Variants in SH3GL2 observed in about 807,000 individuals in gnomAD.
SH3GL2 encodes endophilin-A1.
A neutral mutation model predicts 46.0 loss-of-function variants in SH3GL2; 24 were observed. The observed-to-expected ratio is 0.52, with a 90% CI of 0.38 to 0.73. The LOEUF is 0.73. Ranked by LOEUF, SH3GL2 falls within the 30% of genes least tolerant of loss-of-function variation. The pLI is 0.00. For synonymous variants in SH3GL2, 196 were observed against 147.1 expected (o/e 1.33, Z -2.40); for missense variants, 413 against 424.2 (o/e 0.97, Z 0.23).
At chr9:17,579,645 A>G (rs1251347178) in intron 1 of SH3GL2, among the ~76,000 whole-genome samples, 2 of 152,138 alleles carry the variant, frequency 1.3e-5, no homozygotes, top group Non-Finnish European at 2.9e-5. Flanking sequence ...GAGATTATGT[A>G]AAGTCGCCTC....
intron 1 of SH3GL2, among the ~76,000 whole-genome samples, chr9:17,715,604 T>C (rs1044235216): frequency 6.6e-6 from 1 of 152,010 alleles, no homozygotes; most frequent in African/African-American, 2.4e-5. Context: ...CCGTGGTTAA[T>C]ACCATCCAGC....
chr9:17,682,528 G>A (rs763858524), intron 1 of SH3GL2, among the ~76,000 whole-genome samples: 1 of 152,034 alleles, frequency 6.6e-6, no homozygotes, highest in African/African-American at 2.4e-5. Flanking sequence ...ACACAGGGAG[G>A]GGAACCAACA....
chr9:17,624,410 T>A (rs186911202), intron 1 of SH3GL2, among the ~76,000 whole-genome samples: 6 of 152,246 alleles, frequency 3.9e-5, no homozygotes, highest in Middle Eastern at 3.2e-3. Flanking sequence ...TGATTATTAC[T>A]GGGTCCAGTC....
At chr9:17,602,092 A>G (rs57297142) in intron 1 of SH3GL2, among the ~76,000 whole-genome samples, 28,263 of 152,150 alleles carry the variant, frequency 0.19, 7,989 homozygotes, top group African/African-American at 0.61. Flanking sequence ...AAACAGCTCT[A>G]TTTATTGGGT....
intron 2 of SH3GL2, among the ~76,000 whole-genome samples, chr9:17,753,169 A>C (rs1218405975): frequency 6.6e-6 from 1 of 152,154 alleles, no homozygotes; most frequent in Non-Finnish European, 1.5e-5. Flanking sequence ...CAGTGAACAC[A>C]TGTGTGCATG....
chr9:17,737,534 G>T (rs565637696), intron 1 of SH3GL2, among the ~76,000 whole-genome samples: 1 of 151,984 alleles, frequency 6.6e-6, no homozygotes, highest in Non-Finnish European at 1.5e-5. Flanking sequence ...AAGCTATCAG[G>T]CTCTGTAATA....
chr9:17,744,200 A>T (rs1249487594), intron 1 of SH3GL2, among the ~76,000 whole-genome samples: 3 of 152,192 alleles, frequency 2.0e-5, no homozygotes, highest in African/African-American at 7.2e-5. Flanking sequence ...GGGGACTGAC[A>T]TGTGAGCCAG....
chr9:17,782,948 C>G (rs1386527847), intron 3 of SH3GL2, among the ~76,000 whole-genome samples: 1 of 152,032 alleles, frequency 6.6e-6, no homozygotes, highest in African/African-American at 2.4e-5. Flanking sequence ...TGGACCAATT[C>G]TGATTTTTGT....
At chr9:17,618,309 G>T in intron 1 of SH3GL2, among the ~76,000 whole-genome samples, 1 of 152,150 alleles carries the variant, frequency 6.6e-6, no homozygotes, top group Admixed American at 6.5e-5. Context: ...AATGTCAGTA[G>T]TACCTCCATT....
intron 1 of SH3GL2, among the ~76,000 whole-genome samples, chr9:17,628,531 C>G (rs997770455): frequency 1.3e-5 from 2 of 151,878 alleles, no homozygotes; most frequent in African/African-American, 4.8e-5. Flanking sequence ...GCCTTGCTGA[C>G]TTCAGACATT....
At chr9:17,647,816 C>T (rs1272713179) in intron 1 of SH3GL2, among the ~76,000 whole-genome samples, 1 of 152,154 alleles carries the variant, frequency 6.6e-6, no homozygotes, top group Non-Finnish European at 1.5e-5. Flanking sequence ...AGCATTTTTA[C>T]AGTTGAACTT....
intron 3 of SH3GL2, 29 bp from the exon 4 acceptor site, chr9:17,786,352 C>G: frequency 6.3e-7 from 1 of 1,593,850 alleles, no homozygotes; most frequent in South Asian, 1.1e-5. Flanking sequence ...ATTGCCTACT[C>G]TGAAAGCTTG....
At chr9:17,649,373 G>T (rs150536923) in intron 1 of SH3GL2, among the ~76,000 whole-genome samples, 3 of 152,198 alleles carry the variant, frequency 2.0e-5, no homozygotes, top group South Asian at 4.1e-4. Flanking sequence ...GCCCTATCGC[G>T]TACATTTTTA....
At chr9:17,702,444 C>A (rs940282496) in intron 1 of SH3GL2, among the ~76,000 whole-genome samples, 1 of 148,916 alleles carries the variant, frequency 6.7e-6, no homozygotes, top group South Asian at 2.1e-4. Flanking sequence ...TGTTGCACAG[C>A]AAAAAAAAAC....
At chr9:17,659,895 A>G (rs961445356) in intron 1 of SH3GL2, among the ~76,000 whole-genome samples, 2 of 152,334 alleles carry the variant, frequency 1.3e-5, no homozygotes, top group East Asian at 1.9e-4. Context: ...TGGGTTCTTG[A>G]TATGACTTTT....
rs1208874566 is a variant in SH3GL2, at chr9:17,733,334, G to C, written c.46-13732G>C. Among the ~76,000 whole-genome samples, 3 of 151,672 alleles carry C rather than the reference G, an allele frequency of 2.0e-5. No homozygotes were observed. The East Asian group carries it at 5.8e-4, about 30-fold the overall frequency. ...GTACATGTGCACAATGTGCAGGTTA[G>C]TTACATATGTATACATGTGACATGC... On this transcript the variant is annotated intron_variant, in intron 1 of 8. Transcript: ENST00000380607.
chr9:17,667,952 A>G (rs1426225464), intron 1 of SH3GL2, among the ~76,000 whole-genome samples: 3 of 152,188 alleles, frequency 2.0e-5, no homozygotes, highest in Non-Finnish European at 2.9e-5. Context: ...TGTATGTTTT[A>G]TTTAGAGAAA....
intron 1 of SH3GL2, among the ~76,000 whole-genome samples, chr9:17,712,343 G>A (rs1225581740): frequency 6.6e-6 from 1 of 151,562 alleles, no homozygotes; most frequent in Non-Finnish European, 1.5e-5. Context: ...TTTTTCACTT[G>A]TGATTTATAA....
intron 1 of SH3GL2, among the ~76,000 whole-genome samples, chr9:17,721,250 A>G (rs564757772): frequency 1.2e-4 from 18 of 152,240 alleles, no homozygotes; most frequent in African/African-American, 3.6e-4. Context: ...AGGGGTTTCT[A>G]TGGAACTTGA....
Sources: allele counts gnomAD v4.1 joint callset (sites outside exome capture counted in the v4.1 genomes callset), GRCh38; gene constraint gnomAD v4.1.1; transcripts MANE v1.5; gene names NCBI Gene and HGNC (gene_info 2026-07-23, HGNC 2026-07-21).